GALNT13: variants seen among roughly 807,000 people sequenced by gnomAD.
The protein encoded by GALNT13 is polypeptide N-acetylgalactosaminyltransferase 13.
Under a neutral mutation model 64.2 loss-of-function variants are expected in GALNT13, and 28 were observed. That is an observed-to-expected ratio of 0.44 (90% CI 0.32 to 0.60). The LOEUF (loss-of-function observed/expected upper bound fraction) is 0.60. Among genes scored for constraint, GALNT13 ranks in the 20% least tolerant of loss-of-function variants. The pLI, the probability that GALNT13 is intolerant of heterozygous loss-of-function variation, is 0.05. For missense variants in GALNT13, 577 were observed against 669.8 expected (o/e 0.86, Z 1.53); for synonymous variants, 214 against 224.6 (o/e 0.95, Z 0.42).
chr2:153,284,024 C>G, the GALNT13 span, among the ~76,000 whole-genome samples: 4 of 152,156 alleles, frequency 2.6e-5, no homozygotes, highest in African/African-American at 7.2e-5. Context: ...GCAGATCTGC[C>G]TGGGCGTGGA....
At chr2:154,238,473 A>G (rs1689311910) in intron 4 of GALNT13, among the ~76,000 whole-genome samples, 1 of 152,064 alleles carries the variant, frequency 6.6e-6, no homozygotes, top group African/African-American at 2.4e-5. Context: ...TTCTTTCATA[A>G]TAGTAGATAA....
chr2:153,350,738 G>A, the GALNT13 span, among the ~76,000 whole-genome samples: 3 of 152,162 alleles, frequency 2.0e-5, no homozygotes, highest in South Asian at 2.1e-4. Context: ...GCTGGTTGGC[G>A]TGAGGAAGTA....
At chr2:153,847,056 T>G in the GALNT13 span, among the ~76,000 whole-genome samples, 117 of 152,158 alleles carry the variant, frequency 7.7e-4, no homozygotes, top group African/African-American at 2.7e-3. Context: ...GCAAAATGTA[T>G]TCCCTATAAA....
intron 3 of GALNT13, among the ~76,000 whole-genome samples, chr2:153,994,849 T>G (rs1037243378): frequency 6.6e-6 from 1 of 152,092 alleles, no homozygotes; most frequent in Admixed American, 6.6e-5. Flanking sequence ...TTGCAAAAAT[T>G]TTCTCCCATT....
At chr2:154,256,327 G>C (rs1690372827) in intron 7 of GALNT13, among the ~76,000 whole-genome samples, 1 of 152,124 alleles carries the variant, frequency 6.6e-6, no homozygotes, top group African/African-American at 2.4e-5. Flanking sequence ...CTAAGCTAGT[G>C]TTTTGCTGAC....
chr2:153,427,212 A>G, the GALNT13 span, among the ~76,000 whole-genome samples: 1 of 152,118 alleles, frequency 6.6e-6, no homozygotes, highest in African/African-American at 2.4e-5. Flanking sequence ...TGGAAGCTAC[A>G]GTGTAATCAG....
At chr2:153,469,644 G>A in the GALNT13 span, among the ~76,000 whole-genome samples, 3 of 152,064 alleles carry the variant, frequency 2.0e-5, no homozygotes, top group African/African-American at 7.2e-5. Flanking sequence ...TCCAAGAAAA[G>A]TAAATAAAGT....
In GALNT13 at chr2:153,934,366, A is replaced by G. The variant is rs180686747; in HGVS notation, c.-104-10028A>G. Among the ~76,000 whole-genome samples, 95 of 152,296 alleles carry G rather than the reference A, an allele frequency of 6.2e-4. 1 individual carries two copies. Among genetic ancestry groups the G allele is most frequent in the Non-Finnish European group, 1.1e-3 (74 of 68,036 alleles). On this transcript the variant is annotated intron_variant, in intron 2 of 12. Transcript: ENST00000392825. ...AATTTACACAGACAGACACACATAC[A>G]TATTTCCTGCTTTTTTGTGTGTGTG...
chr2:154,305,661 AACTT>A (rs565962824), intron 9 of GALNT13, among the ~76,000 whole-genome samples: 1 of 152,178 alleles, frequency 6.6e-6, no homozygotes, highest in Non-Finnish European at 1.5e-5. Context: ...TTATGACAAT[AACTT>A]ACTTACTTTC....
chr2:153,574,287 C>A, the GALNT13 span, among the ~76,000 whole-genome samples: 3 of 151,774 alleles, frequency 2.0e-5, no homozygotes, highest in African/African-American at 7.3e-5. Flanking sequence ...CTTTCTTTAT[C>A]CTTGACCTTT....
chr2:153,699,572 T>C, the GALNT13 span, among the ~76,000 whole-genome samples: 14 of 150,838 alleles, frequency 9.3e-5, no homozygotes, highest in African/African-American at 3.4e-4. Flanking sequence ...GAAAAAAAAT[T>C]AGCAAAATAG....
chr2:153,517,976 T>G, the GALNT13 span, among the ~76,000 whole-genome samples: 1 of 152,130 alleles, frequency 6.6e-6, no homozygotes, highest in Non-Finnish European at 1.5e-5. Flanking sequence ...CTTGATATGA[T>G]GCACTGAGCA....
chr2:153,664,176 C>T, the GALNT13 span, among the ~76,000 whole-genome samples: 1 of 152,176 alleles, frequency 6.6e-6, no homozygotes, highest in Non-Finnish European at 1.5e-5. Flanking sequence ...CCTGAGGGCA[C>T]TGCAGGAGAC....
intron 3 of GALNT13, among the ~76,000 whole-genome samples, chr2:154,059,097 G>A (rs1362059504): frequency 6.6e-6 from 1 of 152,174 alleles, no homozygotes; most frequent in Non-Finnish European, 1.5e-5. Flanking sequence ...ACAAATATAG[G>A]AATCAAGGAT....
At chr2:153,657,837 T>G in the GALNT13 span, among the ~76,000 whole-genome samples, 1 of 152,134 alleles carries the variant, frequency 6.6e-6, no homozygotes, top group Non-Finnish European at 1.5e-5. Context: ...TATTATCCCT[T>G]CCATGTGTGT....
At chr2:153,188,897 A>G in the GALNT13 span, among the ~76,000 whole-genome samples, 4 of 152,144 alleles carry the variant, frequency 2.6e-5, no homozygotes, top group Admixed American at 2.6e-4. Flanking sequence ...ACATGCATAG[A>G]ATGTTTAATG....
chr2:154,148,623 T>G (rs1683771887), intron 4 of GALNT13, among the ~76,000 whole-genome samples: 1 of 152,152 alleles, frequency 6.6e-6, no homozygotes, highest in Admixed American at 6.5e-5. Flanking sequence ...CCATTCTAAC[T>G]GGTGTGAGAT....
the GALNT13 span, among the ~76,000 whole-genome samples, chr2:153,331,753 A>G: frequency 2.0e-5 from 3 of 152,162 alleles, no homozygotes; most frequent in African/African-American, 4.8e-5. Flanking sequence ...ACCCTCACAG[A>G]CATACCCAAG....
the GALNT13 span, among the ~76,000 whole-genome samples, chr2:153,771,456 C>CA: frequency 2.0e-5 from 3 of 151,752 alleles, no homozygotes; most frequent in Admixed American, 2.0e-4. Context: ...GTAGGTACAC[C>CA]AAAAACCTGG....
Sources: gnomAD v4.1 joint callset for allele counts (sites outside exome capture counted in the v4.1 genomes callset) on GRCh38, gnomAD v4.1.1 for gene constraint, MANE v1.5 for transcripts, NCBI Gene and HGNC (gene_info 2026-07-23, HGNC 2026-07-21) for gene names.